CLCN3: variants seen among roughly 807,000 people sequenced by gnomAD.
CLCN3 encodes the protein Cl-/H+ antiporter 3.
CLCN3 carries 16 observed loss-of-function variants against 83.4 expected under a neutral mutation model. That is an observed-to-expected ratio of 0.19 (90% CI 0.13 to 0.29). CLCN3 has a LOEUF of 0.29. Among genes scored for constraint, CLCN3 ranks in the 10% least tolerant of loss-of-function variants. The probability of loss-of-function intolerance (pLI) is 1.00; values close to 1 mark genes in which losing one functional copy is unlikely to be tolerated. For synonymous variants in CLCN3, 322 were observed against 346.2 expected (o/e 0.93, Z 0.78); for missense variants, 544 against 1,006.0 (o/e 0.54, Z 6.21).
chr4:169,675,569 C>T (rs1439663079), intron 2 of CLCN3, among the ~76,000 whole-genome samples: 6 of 152,262 alleles, frequency 3.9e-5, no homozygotes, highest in Non-Finnish European at 8.8e-5. Flanking sequence ...TAATGAGCTA[C>T]ATTTTCAATA....
chr4:169,668,043 A>ATTTGTTTTTTTTTTTTTT (rs1560845763), intron 2 of CLCN3, among the ~76,000 whole-genome samples: 2 of 82,342 alleles, frequency 2.4e-5, no homozygotes, highest in Non-Finnish European at 2.4e-5. Context: ...CCGGCCAGAC[A>ATTTGTTTTTTTTTTTTTT]TTTTTTTTTT....
intron 12 of CLCN3, among the ~76,000 whole-genome samples, chr4:169,719,246 C>T (rs1733540789): frequency 6.6e-6 from 1 of 152,152 alleles, no homozygotes; most frequent in African/African-American, 2.4e-5. Flanking sequence ...ACGGGTGGAT[C>T]ACAAGGTCAG....
rs1049459973 is a variant in CLCN3 at position 169,655,595 on chromosome 4, A to C, written c.160+19507A>C. 2.0e-5 allele frequency among the ~76,000 whole-genome samples: 3 copies of C among 152,320 alleles called. No homozygotes were observed. In the East Asian group the frequency reaches 5.8e-4, roughly 29 times the overall value. On this transcript the variant is annotated intron_variant, in intron 2 of 12. Transcript: ENST00000513761. ...TTGCAGCCTTGACCTCCAGGGCCCA[A>C]GTGATCCTCCTACTTCAGCCTCCTG...
intron 12 of CLCN3, among the ~76,000 whole-genome samples, chr4:169,718,829 C>T (rs1427946644): frequency 6.6e-6 from 1 of 152,176 alleles, no homozygotes. Flanking sequence ...ATTATCGTAG[C>T]TACTCATTCA....
chr4:169,634,608 A>G (rs1446655485), intron 1 of CLCN3, among the ~76,000 whole-genome samples: 1 of 152,244 alleles, frequency 6.6e-6, no homozygotes, highest in Admixed American at 6.5e-5. Flanking sequence ...AAACATTCAT[A>G]AAGTTGCAAA....
At position 169,723,510 on chromosome 4, in the gene CLCN3, C is replaced by T. The variant is rs942531150; in HGVS notation, c.*3513C>T. On this transcript the variant is annotated 3_prime_UTR_variant, in exon 13 of 13. Transcript: ENST00000513761. Reference sequence around the variant, plus strand: ...TTTTTTTTTTTCGCAAGAAAAATTACGCTATTTGCATGAAAAGAGGTAAAA... The same window carrying T: ...TTTTTTTTTTTCGCAAGAAAAATTATGCTATTTGCATGAAAAGAGGTAAAA... 6.6e-5 allele frequency: 10 copies of T among 150,532 alleles called. No individual in the cohort carries two copies. Among genetic ancestry groups the T allele is most frequent in the Admixed American group, 1.3e-4 (2 of 15,110 alleles). 9.3% of individuals were successfully genotyped at this position (150,532 alleles called of 1,614,324 possible).
chr4:169,685,987 C>G (rs115543336), intron 3 of CLCN3, among the ~76,000 whole-genome samples: 1 of 152,038 alleles, frequency 6.6e-6, no homozygotes, highest in Non-Finnish European at 1.5e-5. Flanking sequence ...CAAATAGACC[C>G]GATTCTTGAA....
intron 2 of CLCN3, among the ~76,000 whole-genome samples, chr4:169,640,400 CTA>C (rs1164997729): frequency 3.3e-5 from 5 of 152,240 alleles, no homozygotes; most frequent in Admixed American, 1.3e-4. Flanking sequence ...TTGAAAGTAA[CTA>C]TGTGTACTTA....
At chr4:169,672,159 C>G (rs1731484251) in intron 2 of CLCN3, among the ~76,000 whole-genome samples, 1 of 151,782 alleles carries the variant, frequency 6.6e-6, no homozygotes, top group South Asian at 2.1e-4. Context: ...TTGCAGTGAG[C>G]CGAGATCGCG....
intron 2 of CLCN3, among the ~76,000 whole-genome samples, chr4:169,669,564 C>T (rs1731380349): frequency 6.6e-6 from 1 of 152,084 alleles, no homozygotes; most frequent in African/African-American, 2.4e-5. Flanking sequence ...AGAAAATGTG[C>T]ATGTGCATTT....
At chr4:169,624,989 C>T (rs1181753335) in intron 1 of CLCN3, among the ~76,000 whole-genome samples, 1 of 151,694 alleles carries the variant, frequency 6.6e-6, no homozygotes, top group Non-Finnish European at 1.5e-5. Flanking sequence ...ACGGGGTTTC[C>T]CCATGTTGGC....
chr4:169,660,525 G>A, intron 2 of CLCN3: 6 of 1,030,244 alleles, frequency 5.8e-6, no homozygotes, highest in Non-Finnish European at 7.6e-6. Context: ...GCTTAAACTG[G>A]TTCTCGTTTG....
chr4:169,628,726 G>A (rs1207307184), intron 1 of CLCN3, among the ~76,000 whole-genome samples: 1 of 152,166 alleles, frequency 6.6e-6, no homozygotes, highest in Non-Finnish European at 1.5e-5. Context: ...AGCCACTCTG[G>A]AAAACAATTT....
At chr4:169,647,411 G>C (rs999755404) in intron 2 of CLCN3, among the ~76,000 whole-genome samples, 1 of 151,928 alleles carries the variant, frequency 6.6e-6, no homozygotes, top group Non-Finnish European at 1.5e-5. Context: ...ATCTTATATA[G>C]TTAACTTTAG....
intron 5 of CLCN3, among the ~76,000 whole-genome samples, chr4:169,690,001 A>C (rs1485356068): frequency 2.0e-5 from 3 of 152,168 alleles, no homozygotes; most frequent in Non-Finnish European, 4.4e-5. Flanking sequence ...AAAAGATTAA[A>C]TGTGCTCAGG....
chr4:169,653,203 A>C (rs865993387), intron 2 of CLCN3, among the ~76,000 whole-genome samples: 4 of 152,100 alleles, frequency 2.6e-5, no homozygotes, highest in Admixed American at 6.6e-5. Context: ...TTTGCCGTTT[A>C]CATTTAGTTG....
At chr4:169,704,489 T>G (rs1450080720) in intron 10 of CLCN3, among the ~76,000 whole-genome samples, 3 of 152,204 alleles carry the variant, frequency 2.0e-5, no homozygotes, top group Non-Finnish European at 4.4e-5. Context: ...TGACCAAAGA[T>G]GTCTTTGATT....
intron 12 of CLCN3, among the ~76,000 whole-genome samples, chr4:169,714,629 T>C (rs1733357176): frequency 6.6e-6 from 1 of 152,146 alleles, no homozygotes; most frequent in Non-Finnish European, 1.5e-5. Context: ...CTTTGTGATT[T>C]CTTAAACTAC....
chr4:169,664,962 A>G (rs539070019), intron 2 of CLCN3, among the ~76,000 whole-genome samples: 2 of 152,312 alleles, frequency 1.3e-5, no homozygotes, highest in South Asian at 4.1e-4. Context: ...CTTGTTTTTA[A>G]GTTAACATAT....
Sources: allele counts gnomAD v4.1 joint callset (sites outside exome capture counted in the v4.1 genomes callset), GRCh38; gene constraint gnomAD v4.1.1; transcripts MANE v1.5; gene names NCBI Gene and HGNC (gene_info 2026-07-23, HGNC 2026-07-21).